VPS39: variants seen among roughly 807,000 people sequenced by gnomAD.
The protein encoded by VPS39 is vam6/Vps39-like protein.
VPS39 carries 70 observed loss-of-function variants against 121.0 expected under a neutral mutation model. The observed-to-expected ratio is 0.58, with a 90% confidence interval of 0.48 to 0.71. The LOEUF (loss-of-function observed/expected upper bound fraction) is 0.71. Ranked by LOEUF, VPS39 falls within the 30% of genes least tolerant of loss-of-function variation. VPS39 has a pLI of 0.00. For synonymous variants in VPS39, 378 were observed against 398.1 expected (o/e 0.95, Z 0.60); for missense variants, 818 against 1,051.5 (o/e 0.78, Z 3.07).
Position 42,166,800 on chromosome 15 carries a change from C to T in VPS39, c.1491G>A (p.Leu497=), listed in dbSNP as rs1566891671. ...TCTCGTGGAGCCCCTTCTTCTCATA[C>T]AGGATGATAAGCTCACTGTACTTGT... ...KAHKYSELII[L]YEKKGLHEKA... is the part of the protein sequence containing the mutation. Residue 497 remains leucine (L), a synonymous_variant, in exon 14 of 25, where the codon CTG becomes CTA. Transcript: ENST00000318006. 2.5e-6 allele frequency: 4 copies of T among 1,614,236 alleles called. No individual in the cohort carries two copies. The highest frequency in any genetic ancestry group is 3.4e-6 in the Non-Finnish European group (4 of 1,180,038).
chr15:42,170,143 G>C (rs1167094969), intron 11 of VPS39, among the ~76,000 whole-genome samples: 4 of 151,564 alleles, frequency 2.6e-5, no homozygotes, highest in Non-Finnish European at 5.9e-5. Flanking sequence ...TGAAAGTAGA[G>C]AATAAAAAAT....
chr15:42,184,488 T>A, intron 8 of VPS39, 29 bp downstream of exon 8: 3 of 1,564,094 alleles, frequency 1.9e-6, no homozygotes, highest in Non-Finnish European at 2.6e-6. Flanking sequence ...CAACCCAAAG[T>A]GGGAAACAGC....
chr15:42,165,156 T>C (rs1455012424), intron 17 of VPS39, 43 bp from the exon 18 acceptor site: 2 of 1,576,264 alleles, frequency 1.3e-6, no homozygotes, highest in South Asian at 1.1e-5. Context: ...TTCTCCAGGC[T>C]GTGACCTGGT....
At chr15:42,161,063 T>C in intron 24 of VPS39, 1 of 522,080 alleles carries the variant, frequency 1.9e-6, no homozygotes, top group Non-Finnish European at 3.4e-6. Context: ...GGGTATTTTT[T>C]TATTATGCAA....
intron 11 of VPS39, 92 bp from the exon 12 acceptor site, chr15:42,169,958 C>T (rs2049315676): frequency 7.6e-7 from 1 of 1,312,314 alleles, no homozygotes; most frequent in East Asian, 2.5e-5. Context: ...AAAATAAGTT[C>T]CAGACTGATT....
intron 8 of VPS39, chr15:42,178,784 C>T (rs887155377): frequency 8.8e-6 from 5 of 570,176 alleles, no homozygotes; most frequent in East Asian, 6.1e-5. Context: ...GGGAAGGTCA[C>T]GTAGGCCGGA....
At position 42,199,976 on chromosome 15, in the gene VPS39, CAAAACA is replaced by C; in HGVS notation, c.74-21_74-16del. 1.3e-6 allele frequency: 2 copies of C among 1,525,718 alleles called. No homozygotes were observed. Among genetic ancestry groups the C allele is most frequent in the Non-Finnish European group, 1.7e-6 (2 of 1,154,894 alleles). 94.5% of individuals were successfully genotyped at this position (1,525,718 alleles called of 1,614,324 possible). A position where few individuals can be genotyped will look rare whatever the true frequency, so the allele number is the denominator to read the frequency against. On this transcript the variant is annotated splice_polypyrimidine_tract_variant and intron_variant, in intron 1 of 24. Coordinates refer to ENST00000318006, the MANE Select transcript of VPS39 (RefSeq NM_015289.5). ...AAGCCATTCCTCTGGAAAAACAAAA[CAAAACA>C]AAAACAAAAACAAAAAAAAACCAGC...
chr15:42,178,826 A>G, intron 8 of VPS39: 1 of 414,366 alleles, frequency 2.4e-6, no homozygotes, highest in Non-Finnish European at 4.4e-6. Flanking sequence ...TCTTAGTGAG[A>G]CACTGCCTCA....
At chr15:42,187,471 C>T (rs1366601461) in intron 6 of VPS39, 108 bp from the exon 7 acceptor site, 18 of 991,436 alleles carry the variant, frequency 1.8e-5, no homozygotes, top group African/African-American at 1.6e-5. Flanking sequence ...TCACCCTCAT[C>T]GGGCACAATT....
intron 11 of VPS39, among the ~76,000 whole-genome samples, chr15:42,172,346 T>C (rs1439151198): frequency 6.6e-6 from 1 of 152,126 alleles, no homozygotes. Context: ...TTTTCAGCCA[T>C]ATGAGTGAGC....
chr15:42,189,191 G>C lies in VPS39; in HGVS notation c.265C>G (p.His89Asp). The C allele has an allele frequency of 6.2e-7, 1 of 1,613,026 alleles. No homozygotes were observed. Among genetic ancestry groups the C allele is most frequent in the South Asian group, 1.1e-5 (1 of 91,048 alleles). Reference protein sequence around the residue: ...VSLLENNIYVHDLLTFQQITT... With the variant: ...VSLLENNIYVDDLLTFQQITT... ...ATTTGTTGAAATGTCAATAGGTCAT[G>C]GACATAAATGTTATTTTCTGTTTGG... Residue 89 changes from histidine (H) to aspartate (D), a missense_variant, in exon 5 of 25, where the codon CAT (histidine) becomes GAT (aspartate). Transcript: ENST00000318006.
At chr15:42,187,730 A>C (rs1295463278) in intron 6 of VPS39, 28 bp downstream of exon 6, 2 of 1,610,084 alleles carry the variant, frequency 1.2e-6, no homozygotes, top group African/African-American at 2.7e-5. Context: ...CTCCCACCCA[A>C]CCATGGACCA....
At chr15:42,179,708 G>A (rs979330387) in intron 8 of VPS39, among the ~76,000 whole-genome samples, 13 of 152,042 alleles carry the variant, frequency 8.6e-5, no homozygotes, top group Non-Finnish European at 1.5e-4. Flanking sequence ...TCTAAGGGAA[G>A]AGTTCCACAT....
Position 42,162,349 on chromosome 15 carries a change from T to C in VPS39, c.2308A>G (p.Lys770Glu). The C allele has an allele frequency of 6.2e-7, 1 of 1,612,210 alleles. No individual in the cohort carries two copies. The highest frequency in any genetic ancestry group is 8.5e-7 in the Non-Finnish European group (1 of 1,178,840). ...ALQVLELHHS[K>E]LDTTKALNLL... Reference sequence around the variant, plus strand: ...CTCCTGACCTTGGTGGTGTCCAGTTTGCTGTGGTGTAGCTCGAGGACCTGC... The same window carrying C: ...CTCCTGACCTTGGTGGTGTCCAGTTCGCTGTGGTGTAGCTCGAGGACCTGC... The change falls in exon 22 of 25, where the codon AAA becomes GAA. Residue 770 changes from lysine (K) to glutamate (E), a missense_variant. Lys to Glu is a moderately conservative substitution (Grantham distance 56). Transcript: ENST00000318006.
Position 42,160,568 on chromosome 15 carries a change from T to C in VPS39, c.*186A>G. On this transcript the variant is annotated 3_prime_UTR_variant, in exon 25 of 25. Transcript: ENST00000318006. ...AGGTATAACTAATCTCTTTTCCCAT[T>C]AAAAAGCTGGCAATGCCAGACCATG... 1 of 612,818 alleles carries C rather than the reference T, an allele frequency of 1.6e-6. No homozygotes were observed. The highest frequency in any genetic ancestry group is 2.9e-6 in the Non-Finnish European group (1 of 341,794). 38.0% of individuals were successfully genotyped at this position (612,818 alleles called of 1,614,324 possible).
intron 20 of VPS39, 43 bp downstream of exon 20, chr15:42,163,583 G>C (rs2049182577): frequency 6.3e-7 from 1 of 1,578,800 alleles, no homozygotes. Context: ...TGCAGGGCCT[G>C]CTTTTAGACT....
chr15:42,174,223 G>T (rs1001078010), intron 10 of VPS39, among the ~76,000 whole-genome samples: 2 of 151,918 alleles, frequency 1.3e-5, no homozygotes, highest in Non-Finnish European at 2.9e-5. Context: ...CTCCAGCCTG[G>T]GTGACAGAGT....
rs1481571461 is a variant in VPS39 at position 42,184,686 on chromosome 15, C to T, written c.549G>A (p.Gly183=). Residue 183 remains glycine (G), a synonymous_variant, in exon 8 of 25, where the codon GGG becomes GGA. Transcript: ENST00000318006. ...CTGTTGGAAAGAGCTCTTTGATGGA[C>T]CCCTTTCCATCCACCTATAGGAAGA... The part of the protein sequence containing the change: ...DYYLIRVDGK[G]SIKELFPTGK... 1 of 1,612,166 alleles carries T rather than the reference C, an allele frequency of 6.2e-7. No homozygotes were observed. The highest frequency in any genetic ancestry group is 1.1e-5 in the South Asian group (1 of 90,746).
intron 8 of VPS39, among the ~76,000 whole-genome samples, chr15:42,181,593 A>G (rs969513933): frequency 6.6e-6 from 1 of 152,236 alleles, no homozygotes; most frequent in Non-Finnish European, 1.5e-5. Context: ...AAAAGTAAAA[A>G]AATTAGTAAA....
Sources: gnomAD v4.1 joint callset for allele counts (sites outside exome capture counted in the v4.1 genomes callset) on GRCh38, gnomAD v4.1.1 for gene constraint, MANE v1.5 for transcripts, NCBI Gene and HGNC (gene_info 2026-07-23, HGNC 2026-07-21) for gene names.